Variants in TIAM1 observed in about 807,000 individuals in gnomAD.
TIAM1 encodes rho guanine nucleotide exchange factor TIAM1.
Under a neutral mutation model 163.5 loss-of-function variants are expected in TIAM1, and 65 were observed. The observed-to-expected ratio is 0.40, with a 90% CI of 0.33 to 0.49. The LOEUF (loss-of-function observed/expected upper bound fraction) is 0.49, where lower values mean the gene tolerates loss of function less well. Among genes scored for constraint, TIAM1 ranks in the 20% least tolerant of loss-of-function variants. The pLI is 0.77. For missense variants in TIAM1, 1,789 were observed against 2,044.7 expected (o/e 0.87, Z 2.41); for synonymous variants, 833 against 810.1 (o/e 1.03, Z -0.48).
rs377419680 is a variant in TIAM1 at position 31,214,803 on chromosome 21, T to C, written c.2143-1331A>G. Among the ~76,000 whole-genome samples, 5 of 152,256 alleles carry C rather than the reference T, an allele frequency of 3.3e-5. No homozygotes were observed. The South Asian group carries it at 6.2e-4, about 19-fold the overall frequency. On this transcript the variant is annotated intron_variant, in intron 9 of 27. Coordinates refer to ENST00000541036, the MANE Select transcript of TIAM1 (RefSeq NM_001353694.2). ...AAAACATACAATGTTTTTAACTTTT[T>C]TTCGGTAGAGAAAGCATGTTGCTAT...
intron 2 of TIAM1, among the ~76,000 whole-genome samples, chr21:31,294,257 T>C (rs1393672365): frequency 6.6e-6 from 1 of 152,208 alleles, no homozygotes; most frequent in Non-Finnish European, 1.5e-5. Context: ...TCCCAGCTAG[T>C]AAGAACTGAC....
intron 2 of TIAM1, among the ~76,000 whole-genome samples, chr21:31,317,931 G>C (rs1444876403): frequency 6.6e-6 from 1 of 152,180 alleles, no homozygotes; most frequent in Non-Finnish European, 1.5e-5. Flanking sequence ...CAACACAGCA[G>C]AGAAGTTCCT....
rs548822189 is a variant in TIAM1 at position 31,150,271 on chromosome 21, T to C, written c.3366+2365A>G. ...TAGCTCCTGTTGCAGAGAGGCAATG[T>C]AAAGAGATAACACATACACAAAAAA... On this transcript the variant is annotated intron_variant, in intron 19 of 27. Transcript: ENST00000541036. Among the ~76,000 whole-genome samples, 16 of 152,264 alleles carry C rather than the reference T, an allele frequency of 1.1e-4. 1 individual carries two copies. In the South Asian group the frequency reaches 3.3e-3, roughly 32 times the overall value.
At chr21:31,319,898 T>C (rs1452318380) in intron 2 of TIAM1, among the ~76,000 whole-genome samples, 2 of 152,170 alleles carry the variant, frequency 1.3e-5, no homozygotes, top group East Asian at 1.9e-4. Flanking sequence ...ATGTGCTAAT[T>C]TGGCTATGTG....
intron 25 of TIAM1, among the ~76,000 whole-genome samples, chr21:31,127,512 G>A (rs750514234): frequency 2.6e-5 from 4 of 151,362 alleles, no homozygotes; most frequent in East Asian, 3.9e-4. Flanking sequence ...TCTGCCTCCC[G>A]GGTTCAAGTG....
At chr21:31,208,154 T>C (rs895774239) in intron 11 of TIAM1, among the ~76,000 whole-genome samples, 1 of 152,318 alleles carries the variant, frequency 6.6e-6, no homozygotes, top group African/African-American at 2.4e-5. Context: ...CCCTAGTTTC[T>C]TCCAAAGCAA....
chr21:31,327,855 A>G (rs2075546990), intron 2 of TIAM1, among the ~76,000 whole-genome samples: 1 of 151,856 alleles, frequency 6.6e-6, no homozygotes, highest in Admixed American at 6.6e-5. Context: ...TCTCCTCCCA[A>G]CGCAGCTGTC....
chr21:31,365,412 G>T, intron 2 of TIAM1, among the ~76,000 whole-genome samples: 1 of 137,468 alleles, frequency 7.3e-6, no homozygotes. Flanking sequence ...TTTTTGAGAG[G>T]GAGTCTCGCT....
At chr21:31,519,083 C>T (rs967920594) in intron 1 of TIAM1, among the ~76,000 whole-genome samples, 16 of 151,886 alleles carry the variant, frequency 1.1e-4, no homozygotes, top group Admixed American at 1.0e-3. Context: ...CTGAGGCGGG[C>T]AGATCACCTG....
chr21:31,130,308 G>C lies in TIAM1; in HGVS notation c.3950C>G (p.Ser1317Cys). Residue 1317 changes from serine to cysteine, a missense_variant, in exon 25 of 28, where the codon TCT (serine) becomes TGT (cysteine). Physicochemically the swap from Ser to Cys is moderately radical, Grantham distance 112 (BLOSUM62 -1). This residue lies in a region of TIAM1 where 415 missense variants were observed against 439.2 expected (regional missense o/e 0.94). Coordinates refer to ENST00000541036, the MANE Select transcript of TIAM1 (RefSeq NM_001353694.2). ...GSKQKKKLVG[S>C]HRLSIYEDWD... ...GTCCTCATAAATGGAAAGCCTGTGA[G>C]ATCCTACCTGCAGAGGAGAAGGAAC... 1 of 1,613,752 alleles carries C rather than the reference G, an allele frequency of 6.2e-7. No homozygotes were observed. The highest frequency in any genetic ancestry group is 1.3e-5 in the African/African-American group (1 of 75,010).
In TIAM1 at chr21:31,243,114, C is replaced by T. The variant is rs181183705; in HGVS notation, c.1584+2374G>A. 1.3e-3 allele frequency among the ~76,000 whole-genome samples: 185 copies of T among 145,772 alleles called. 1 individual carries two copies. Among genetic ancestry groups the T allele is most frequent in the Middle Eastern group, 3.9e-3 (1 of 256 alleles). On this transcript the variant is annotated intron_variant, in intron 6 of 27. Transcript: ENST00000541036. ...GGCTGAGGCAGGAGAATTGCTTGAA[C>T]GTGGGAGGCAGAGGTTGTGGTGAGC... is the stretch of plus-strand genomic sequence containing the variant.
At chr21:31,316,668 G>A (rs997222164) in intron 2 of TIAM1, among the ~76,000 whole-genome samples, 2 of 152,202 alleles carry the variant, frequency 1.3e-5, no homozygotes, top group East Asian at 1.9e-4. Context: ...TCAAGGATTC[G>A]CAACTACAGC....
At chr21:31,534,864 G>A (rs747654668) in intron 1 of TIAM1, among the ~76,000 whole-genome samples, 8 of 152,144 alleles carry the variant, frequency 5.3e-5, no homozygotes, top group Non-Finnish European at 1.0e-4. Context: ...CAAACACTTT[G>A]GGAGACCAAG....
At chr21:31,534,957 T>G (rs540079866) in intron 1 of TIAM1, among the ~76,000 whole-genome samples, 3 of 151,996 alleles carry the variant, frequency 2.0e-5, no homozygotes, top group African/African-American at 7.2e-5. Flanking sequence ...ATTAGGCAGG[T>G]GTGGTGGCAC....
intron 6 of TIAM1, among the ~76,000 whole-genome samples, chr21:31,243,088 A>T (rs2071285009): frequency 1.3e-5 from 2 of 149,264 alleles, no homozygotes; most frequent in South Asian, 4.2e-4. Flanking sequence ...GCTGCTTGGG[A>T]GGCTGAGGCA....
intron 16 of TIAM1, among the ~76,000 whole-genome samples, chr21:31,158,878 T>A (rs1224845435): frequency 6.6e-6 from 1 of 151,962 alleles, no homozygotes; most frequent in Non-Finnish European, 1.5e-5. Flanking sequence ...AGGAGTTGGG[T>A]TCAAGGCTTT....
At chr21:31,235,711 C>A (rs1403216077) in intron 6 of TIAM1, among the ~76,000 whole-genome samples, 1 of 152,110 alleles carries the variant, frequency 6.6e-6, no homozygotes, top group Non-Finnish European at 1.5e-5. Flanking sequence ...TGATTTAATA[C>A]AAATTTAAAC....
intron 2 of TIAM1, among the ~76,000 whole-genome samples, chr21:31,407,809 T>G (rs1465369486): frequency 3.3e-5 from 5 of 151,934 alleles, no homozygotes; most frequent in Admixed American, 3.3e-4. Context: ...GTAATTTTTT[T>G]GTATTTTCAG....
Position 31,122,739 on chromosome 21 carries a change from G to A in TIAM1, c.4306+1783C>T, listed in dbSNP as rs143116884. 3.2e-3 allele frequency among the ~76,000 whole-genome samples: 489 copies of A among 152,262 alleles called. 3 individuals are homozygous for A. The highest frequency in any genetic ancestry group is 0.011 in the African/African-American group (464 of 41,540). ...ACTATCCTAGCCAAACAGAACAGAG[G>A]GAGAAATAAACTACCTGAGTATTCA... On this transcript the variant is annotated intron_variant, in intron 27 of 27. Transcript: ENST00000541036.
Sources: gnomAD v4.1 joint callset for allele counts (sites outside exome capture counted in the v4.1 genomes callset) on GRCh38, gnomAD v4.1.1 for gene constraint, gnomAD v4.1.1 regional missense constraint, MANE v1.5 for transcripts, NCBI Gene and HGNC (gene_info 2026-07-23, HGNC 2026-07-21) for gene names.